The following MIA2 variants were observed in gnomAD, a reference collection of about 807,000 sequenced individuals.
The protein encoded by MIA2 is MIA SH3 domain ER export factor 2.
In MIA2, 127 loss-of-function variants were observed where a neutral mutation model predicts 167.8. The ratio of observed to expected loss-of-function variants is 0.76; its 90% CI spans 0.66 to 0.88. The LOEUF (loss-of-function observed/expected upper bound fraction) is 0.88, where lower values mean the gene tolerates loss of function less well. Ranked by LOEUF, MIA2 falls within the 40% of genes least tolerant of loss-of-function variation. The probability of loss-of-function intolerance (pLI) is 0.00; values close to 1 mark genes in which losing one functional copy is unlikely to be tolerated. For missense variants in MIA2, 1,690 were observed against 1,624.7 expected (o/e 1.04, Z -0.69); for synonymous variants, 552 against 541.9 (o/e 1.02, Z -0.26).
rs557374932 is a variant in MIA2 at position 39,280,949 on chromosome 14, C to A, written c.2130+1412C>A. Reference sequence around the variant, plus strand: ...TTTTTTTTTTTTTGAGACAGCGTCTCTCTCTCTCTCTTGTCTAGGCTGCAG... The same window carrying A: ...TTTTTTTTTTTTTGAGACAGCGTCTATCTCTCTCTCTTGTCTAGGCTGCAG... On this transcript the variant is annotated intron_variant, in intron 9 of 28. Coordinates refer to ENST00000640607, the MANE Select transcript of MIA2 (RefSeq NM_001329214.4). 4.1e-3 allele frequency among the ~76,000 whole-genome samples: 479 copies of A among 117,246 alleles called. 3 individuals are homozygous for A. The highest frequency in any genetic ancestry group is 0.014 in the African/African-American group (435 of 30,876). The allele number at this position is 117,246 out of a possible 152,430, so 76.9% of individuals were successfully genotyped here.
chr14:39,379,572 C>G (rs1227407613), intron 23 of MIA2, among the ~76,000 whole-genome samples: 3 of 151,480 alleles, frequency 2.0e-5, no homozygotes, highest in African/African-American at 4.8e-5. Flanking sequence ...GCAAGCTAGG[C>G]TGGGGGTGGT....
intron 23 of MIA2, among the ~76,000 whole-genome samples, chr14:39,382,063 A>T (rs1049552312): frequency 6.6e-6 from 1 of 152,144 alleles, no homozygotes; most frequent in Non-Finnish European, 1.5e-5. Flanking sequence ...AAAAAACTCA[A>T]ACTTGCCTTC....
intron 2 of MIA2, chr14:39,237,407 T>A (rs527862381): frequency 8.3e-4 from 242 of 289,866 alleles, no homozygotes; most frequent in Non-Finnish European, 1.3e-3. Context: ...GGATTACAGG[T>A]GTGAGCCACC....
chr14:39,348,815 C>G lies in MIA2; in HGVS notation c.3910C>G (p.Leu1304Val). ...ATGPGFVPPPLAPIRGPLFPV... is the reference protein window; with the variant it reads ...ATGPGFVPPPVAPIRGPLFPV... The stretch of plus-strand genomic sequence containing the variant: ...TGGCCCTGGCTTTGTTCCTCCACCT[C>G]TTGCTCCAATCAGAGGTCCATTGTT... Residue 1304 changes from leucine to valine, a missense_variant, in exon 28 of 29, where the codon CTT becomes GTT. Coordinates refer to ENST00000640607, the MANE Select transcript of MIA2 (RefSeq NM_001329214.4). 6.2e-7 allele frequency: 1 copy of G among 1,613,992 alleles called. No homozygotes were observed. Among genetic ancestry groups the G allele is most frequent in the Non-Finnish European group, 8.5e-7 (1 of 1,179,896 alleles).
At chr14:39,349,085 TA>T (rs1238793317) in intron 28 of MIA2, 108 bp downstream of exon 28, 1 of 1,311,508 alleles carries the variant, frequency 7.6e-7, no homozygotes, top group Non-Finnish European at 1.0e-6. Flanking sequence ...AAGTTTTTTC[TA>T]GCATTCTGTG....
At chr14:39,269,099 T>C in intron 6 of MIA2, 1 of 828,338 alleles carries the variant, frequency 1.2e-6, no homozygotes, top group Non-Finnish European at 1.4e-6. Flanking sequence ...TTTTTTTTTT[T>C]GCTAAATGCG....
intron 6 of MIA2, chr14:39,267,629 C>G: frequency 2.2e-6 from 3 of 1,339,724 alleles, no homozygotes; most frequent in South Asian, 1.3e-5. Context: ...GGTCAGAGGT[C>G]CCGAAGCCAG....
chr14:39,234,065 T>G lies in MIA2; in HGVS notation c.-50T>G. The G allele has an allele frequency of 8.1e-7, 1 of 1,231,180 alleles. No individual in the cohort carries two copies. 76.3% of individuals were successfully genotyped at this position (1,231,180 alleles called of 1,614,324 possible). On this transcript the variant is annotated 5_prime_UTR_variant, in exon 1 of 29. Coordinates refer to ENST00000640607, the MANE Select transcript of MIA2 (RefSeq NM_001329214.4). Reference sequence around the variant, plus strand: ...AGTTTTGGCTGACATCTCTACAACCTGAACAATTGGCTTAAACTTCACTTG... The same window carrying G: ...AGTTTTGGCTGACATCTCTACAACCGGAACAATTGGCTTAAACTTCACTTG...
chr14:39,305,426 C>G (rs1247868808), intron 17 of MIA2, among the ~76,000 whole-genome samples: 2 of 152,186 alleles, frequency 1.3e-5, no homozygotes, highest in African/African-American at 4.8e-5. Context: ...AGTTTCCTGG[C>G]AAATCTTTGT....
chr14:39,367,365 G>A (rs924737832), intron 23 of MIA2, among the ~76,000 whole-genome samples: 1 of 152,338 alleles, frequency 6.6e-6, no homozygotes, highest in East Asian at 1.9e-4. Context: ...GGCCTAGTCT[G>A]GTGGGGCTGG....
At chr14:39,365,856 TTTTG>T (rs1352424418) in intron 23 of MIA2, among the ~76,000 whole-genome samples, 1 of 152,214 alleles carries the variant, frequency 6.6e-6, no homozygotes, top group Admixed American at 6.5e-5. Context: ...TGGAGAATTA[TTTTG>T]TTTCTCTGGC....
Position 39,293,399 on chromosome 14 carries a change from G to C in MIA2, c.2319+18G>C. On this transcript the variant is annotated intron_variant, in intron 11 of 28. Coordinates refer to ENST00000640607, the MANE Select transcript of MIA2 (RefSeq NM_001329214.4). The stretch of plus-strand genomic sequence containing the variant: ...ATGAATTGGTAAGGCTTTTTTATTT[G>C]AGGAGAATATAAGAAAAAGAAAGTT... 1 of 1,449,762 alleles carries C rather than the reference G, an allele frequency of 6.9e-7. No homozygotes were observed. The allele number at this position is 1,449,762 out of a possible 1,614,324, so 89.8% of individuals were successfully genotyped here. A position where few individuals can be genotyped will look rare whatever the true frequency, so the allele number is the denominator to read the frequency against.
rs1329227537 is a variant in MIA2 at position 39,241,926 on chromosome 14, A to G, written c.336+1279A>G. Among the ~76,000 whole-genome samples, 3 of 152,134 alleles carry G rather than the reference A, an allele frequency of 2.0e-5. No individual in the cohort carries two copies. In the East Asian group the frequency reaches 5.8e-4, roughly 29 times the overall value. On this transcript the variant is annotated intron_variant, in intron 3 of 28. Transcript: ENST00000640607. ...CTGGACTTTTGACTGTTCTTAGAAC[A>G]TGCCAGGCTCTTTCCCAGCCTGGGG... is the stretch of plus-strand genomic sequence containing the variant.
In MIA2 at chr14:39,247,524, A is replaced by C. The variant is rs1232742166; in HGVS notation, c.950A>C (p.Tyr317Ser). 6.2e-7 allele frequency: 1 copy of C among 1,614,074 alleles called. No individual in the cohort carries two copies. The highest frequency in any genetic ancestry group is 2.2e-5 in the East Asian group (1 of 44,874). Residue 317 changes from tyrosine (Y) to serine (S), a missense_variant, in exon 4 of 29, where the codon TAT becomes TCT. Tyr to Ser is a moderately radical substitution (Grantham distance 144, BLOSUM62 -2). Coordinates refer to ENST00000640607, the MANE Select transcript of MIA2 (RefSeq NM_001329214.4). ...TGWFGGGFTS[Y>S]LGFGDEDTGL... The stretch of plus-strand genomic sequence containing the variant: ...TGGTTTGGTGGAGGATTTACAAGTT[A>C]TTTAGGTTTTGGAGATGAGGATACA...
chr14:39,315,632 T>A, intron 20 of MIA2, 51 bp from the exon 21 acceptor site: 2 of 1,393,916 alleles, frequency 1.4e-6, no homozygotes, highest in Non-Finnish European at 2.0e-6. Context: ...TGAATGTTTT[T>A]TACTTAAGAA....
At position 39,302,249 on chromosome 14, in the gene MIA2, G is replaced by A; in HGVS notation, c.2740G>A (p.Asp914Asn). The part of the protein sequence containing the change: ...NSESENGAYL[D>N]NPPKGALKKL... ...TGAATCGGAAAATGGTGCTTACTTA[G>A]GTATTAAGTCATGACTCATCTCCTT... The change falls in exon 15 of 29, where the codon GAT becomes AAT. Residue 914 changes from aspartate to asparagine, a missense_variant and splice_region_variant. Physicochemically the swap from Asp to Asn is conservative, Grantham distance 23. Coordinates refer to ENST00000640607, the MANE Select transcript of MIA2 (RefSeq NM_001329214.4). 6.2e-7 allele frequency: 1 copy of A among 1,613,290 alleles called. No individual in the cohort carries two copies. The highest frequency in any genetic ancestry group is 8.5e-7 in the Non-Finnish European group (1 of 1,179,516).
intron 25 of MIA2, among the ~76,000 whole-genome samples, chr14:39,332,219 C>T (rs188261712): frequency 1.2e-3 from 185 of 152,110 alleles, no homozygotes; most frequent in African/African-American, 4.1e-3. Flanking sequence ...TCCTTTCTTC[C>T]GACTGATCAA....
Position 39,240,581 on chromosome 14 carries a change from T to C in MIA2, c.270T>C (p.Tyr90=). The change falls in exon 3 of 29, where the codon TAT becomes TAC. Residue 90 remains tyrosine (Y), a synonymous_variant. Transcript: ENST00000640607. ...WAGSKGKEFG[Y]FPRDAVQIEE... ...GACAGAAAGGAAAGGAGTTTGGATA[T>C]TTTCCCAGAGATGCAGTCCAGATTG... The C allele has an allele frequency of 1.2e-6, 2 of 1,612,498 alleles. No homozygotes were observed. Among genetic ancestry groups the C allele is most frequent in the Non-Finnish European group, 1.7e-6 (2 of 1,178,848 alleles).
At chr14:39,287,921 T>G (rs1352618228) in intron 9 of MIA2, among the ~76,000 whole-genome samples, 2 of 152,164 alleles carry the variant, frequency 1.3e-5, no homozygotes, top group Non-Finnish European at 2.9e-5. Context: ...CATGGCTCAC[T>G]GCAGCCTCAA....
Sources: allele counts gnomAD v4.1 joint callset (sites outside exome capture counted in the v4.1 genomes callset), GRCh38; gene constraint gnomAD v4.1.1; transcripts MANE v1.5; gene names NCBI Gene and HGNC (gene_info 2026-07-23, HGNC 2026-07-21).